The following SNX30 variants were observed in gnomAD, a reference collection of about 807,000 sequenced individuals.
SNX30 encodes sorting nexin-30.
Under a neutral mutation model 46.4 loss-of-function variants are expected in SNX30, and 24 were observed. The observed-to-expected ratio is 0.52, with a 90% CI of 0.37 to 0.73. The LOEUF (loss-of-function observed/expected upper bound fraction) is 0.73. Among genes scored for constraint, SNX30 ranks in the 30% least tolerant of loss-of-function variants. SNX30 has a pLI of 0.00. For missense variants in SNX30, 533 were observed against 555.7 expected (o/e 0.96, Z 0.41); for synonymous variants, 189 against 211.5 (o/e 0.89, Z 0.92).
intron 6 of SNX30, among the ~76,000 whole-genome samples, chr9:112,847,553 A>C (rs1393392241): frequency 6.6e-6 from 1 of 151,816 alleles, no homozygotes; most frequent in African/African-American, 2.4e-5. Context: ...CTTTTTCCAA[A>C]TTGAGATCCA....
At chr9:112,879,606 C>G, downstream of SNX30, 1 of 622,956 alleles carries the variant, frequency 1.6e-6, no homozygotes, top group East Asian at 2.7e-5. Context: ...CACCAGGGAT[C>G]CCTGAGCCAG....
At chr9:112,758,040 C>T (rs1230388180) in intron 1 of SNX30, among the ~76,000 whole-genome samples, 1 of 152,166 alleles carries the variant, frequency 6.6e-6, no homozygotes, top group Non-Finnish European at 1.5e-5. Flanking sequence ...CCTTCTACTC[C>T]ACCCTTCCTT....
intron 1 of SNX30, among the ~76,000 whole-genome samples, chr9:112,791,296 T>C (rs538719960): frequency 7.9e-5 from 12 of 152,072 alleles, no homozygotes; most frequent in African/African-American, 2.9e-4. Flanking sequence ...AATGGAATTA[T>C]ATAGCATGTG....
At chr9:112,881,973 T>C (rs1301040460), downstream of SNX30, among the ~76,000 whole-genome samples, 1 of 151,116 alleles carries the variant, frequency 6.6e-6, no homozygotes, top group African/African-American at 2.4e-5. Flanking sequence ...GGGAGAAGAG[T>C]GGGAGGGGAG....
chr9:112,751,608 G>T (rs922530062), intron 1 of SNX30, among the ~76,000 whole-genome samples: 3 of 152,222 alleles, frequency 2.0e-5, no homozygotes, highest in Admixed American at 1.3e-4. Context: ...GGCTTACAGC[G>T]AGAGTCTTCT....
intron 1 of SNX30, among the ~76,000 whole-genome samples, chr9:112,791,399 C>CTTTTTTTTTTTTTTTTTTTTTTTTT (rs386415930): frequency 1.5e-5 from 1 of 67,476 alleles, no homozygotes; most frequent in African/African-American, 6.1e-5. Context: ...TATTTAGGAA[C>CTTTTTTTTTTTTTTTTTTTTTTTTT]TTTTTTTTTT....
chr9:112,789,937 A>G (rs899739566), intron 1 of SNX30, among the ~76,000 whole-genome samples: 5 of 152,252 alleles, frequency 3.3e-5, no homozygotes, highest in African/African-American at 1.2e-4. Flanking sequence ...ATGTCTAAAG[A>G]AAAAGCCTTG....
chr9:112,821,849 T>C (rs1840503603), intron 3 of SNX30, among the ~76,000 whole-genome samples: 1 of 151,922 alleles, frequency 6.6e-6, no homozygotes, highest in African/African-American at 2.4e-5. Flanking sequence ...TGGAGTGCAG[T>C]GGTATGATCA....
chr9:112,774,159 A>G (rs1228669143), intron 1 of SNX30, among the ~76,000 whole-genome samples: 1 of 152,220 alleles, frequency 6.6e-6, no homozygotes, highest in Admixed American at 6.5e-5. Flanking sequence ...CCCACTGGAG[A>G]GTCTGTTGCA....
chr9:112,779,314 T>C (rs1297827816), intron 1 of SNX30, among the ~76,000 whole-genome samples: 1 of 152,218 alleles, frequency 6.6e-6, no homozygotes. Context: ...TTTTGTGGAT[T>C]CTCTTCACTC....
chr9:112,855,076 C>G (rs897315924), intron 7 of SNX30, among the ~76,000 whole-genome samples: 25 of 152,188 alleles, frequency 1.6e-4, no homozygotes, highest in Admixed American at 3.9e-4. Context: ...CCCCTGCCTC[C>G]CTAGCCCTCC....
chr9:112,825,625 T>C (rs1435201187), intron 3 of SNX30, among the ~76,000 whole-genome samples: 1 of 152,050 alleles, frequency 6.6e-6, no homozygotes, highest in Non-Finnish European at 1.5e-5. Flanking sequence ...CATTTTGGCC[T>C]AAACGTTATA....
At chr9:112,793,613 C>T (rs1358662737) in intron 1 of SNX30, among the ~76,000 whole-genome samples, 1 of 152,142 alleles carries the variant, frequency 6.6e-6, no homozygotes. Context: ...ATTAAGTAAC[C>T]TCAATAACCT....
intron 1 of SNX30, among the ~76,000 whole-genome samples, chr9:112,782,716 T>G (rs1373283748): frequency 6.6e-6 from 1 of 152,246 alleles, no homozygotes; most frequent in African/African-American, 2.4e-5. Context: ...GTTTAGGGAT[T>G]GACATGGTGA....
intron 1 of SNX30, among the ~76,000 whole-genome samples, chr9:112,759,668 G>A (rs1839407223): frequency 6.6e-6 from 1 of 151,448 alleles, no homozygotes; most frequent in South Asian, 2.1e-4. Flanking sequence ...GGTGGAGGTT[G>A]CAGTGAGCTG....
At chr9:112,753,363 T>G (rs1368251097) in intron 1 of SNX30, among the ~76,000 whole-genome samples, 1 of 152,100 alleles carries the variant, frequency 6.6e-6, no homozygotes, top group Non-Finnish European at 1.5e-5. Flanking sequence ...GGGAGAGTCT[T>G]GAAGGCATTA....
chr9:112,805,217 C>T (rs911101222), intron 2 of SNX30, among the ~76,000 whole-genome samples: 1 of 19,546 alleles, frequency 5.1e-5, no homozygotes, highest in South Asian at 1.7e-3. Context: ...CCTATACTTG[C>T]GCTTATTTTT....
rs1840420887 is a variant in SNX30, at chr9:112,817,618, T to C, written c.349-87T>C. On this transcript the variant is annotated intron_variant, in intron 2 of 8. Transcript: ENST00000374232. ...GAAGGAAAATATGATCTTGCCTAGT[T>C]TGGTTATTCTAAGAGCTTTTTTCCT... The C allele has an allele frequency of 6.6e-6, 5 of 758,210 alleles. No individual in the cohort carries two copies. In the East Asian group the frequency reaches 1.3e-4, roughly 19 times the overall value. The allele number at this position is 758,210 out of a possible 1,614,324, so 47.0% of individuals were successfully genotyped here.
chr9:112,866,461 G>A (rs1841345731), intron 8 of SNX30: 1 of 470,624 alleles, frequency 2.1e-6, no homozygotes, highest in Non-Finnish European at 4.4e-6. Flanking sequence ...TATGGCCTTG[G>A]TTTATCATGG....
Sources: gnomAD v4.1 joint callset for allele counts (sites outside exome capture counted in the v4.1 genomes callset) on GRCh38, gnomAD v4.1.1 for gene constraint, MANE v1.5 for transcripts, NCBI Gene and HGNC (gene_info 2026-07-23, HGNC 2026-07-21) for gene names.